The following EED variants were observed in gnomAD, a reference collection of about 807,000 sequenced individuals.
The protein encoded by EED is embryonic ectoderm development.
EED carries 9 observed loss-of-function variants against 61.0 expected under a neutral mutation model. The observed-to-expected ratio is 0.15, with a 90% CI of 0.09 to 0.26. EED has a LOEUF of 0.26. Ranked by LOEUF, EED falls within the 10% of genes least tolerant of loss-of-function variation. EED has a pLI of 1.00. For missense variants in EED, 315 were observed against 542.3 expected (o/e 0.58, Z 4.16); for synonymous variants, 187 against 174.4 (o/e 1.07, Z -0.57).
intron 1 of EED, among the ~76,000 whole-genome samples, chr11:86,248,231 G>T (rs1945439665): frequency 6.6e-6 from 1 of 152,170 alleles, no homozygotes; most frequent in East Asian, 1.9e-4. Flanking sequence ...CTTGATTTTA[G>T]TTTAAAGATA....
At chr11:86,270,068 C>G in intron 9 of EED, 1 of 697,464 alleles carries the variant, frequency 1.4e-6, no homozygotes, top group South Asian at 1.5e-5. Context: ...AAGAAACTGC[C>G]AAACTATTTT....
At chr11:86,286,699 G>T in the EED span, among the ~76,000 whole-genome samples, 1 of 151,982 alleles carries the variant, frequency 6.6e-6, no homozygotes, top group Non-Finnish European at 1.5e-5. Flanking sequence ...CAGGCCAGGT[G>T]CGGTGGCTCA....
At chr11:86,279,547 G>A (rs988431309), downstream of EED, among the ~76,000 whole-genome samples, 1 of 152,202 alleles carries the variant, frequency 6.6e-6, no homozygotes, top group African/African-American at 2.4e-5. Flanking sequence ...TGAAGCAGAG[G>A]AGTGAAGAAA....
chr11:86,272,709 C>CT (rs960455393), intron 9 of EED, among the ~76,000 whole-genome samples: 1 of 152,112 alleles, frequency 6.6e-6, no homozygotes, highest in African/African-American at 2.4e-5. Context: ...GGAATTGTCT[C>CT]TTTTTTCATT....
Position 86,278,573 on chromosome 11 carries a change from A to T in EED, c.*48A>T, listed in dbSNP as rs969450793. The T allele has an allele frequency of 1.9e-6, 3 of 1,597,670 alleles. No homozygotes were observed. Among genetic ancestry groups the T allele is most frequent in the Admixed American group, 3.4e-5 (2 of 59,212 alleles). On this transcript the variant is annotated 3_prime_UTR_variant, in exon 12 of 12. Transcript: ENST00000263360. ...TAGAGTGTGTTTGTTGTCTGTGTAA[A>T]ATAGAATTAATGTATCTTGCTAGTA...
At chr11:86,283,441 C>T (rs1462829203), downstream of EED, among the ~76,000 whole-genome samples, 1 of 152,074 alleles carries the variant, frequency 6.6e-6, no homozygotes, top group African/African-American at 2.4e-5. Context: ...GCGTAATTTG[C>T]TTATTTGGTT....
At chr11:86,252,872 A>G (rs1945570899) in intron 3 of EED, among the ~76,000 whole-genome samples, 1 of 152,000 alleles carries the variant, frequency 6.6e-6, no homozygotes, top group Non-Finnish European at 1.5e-5. Context: ...TGATCCTCCC[A>G]TGTCAGCCTT....
chr11:86,256,547 T>C, intron 5 of EED, 35 bp downstream of exon 5: 1 of 1,525,866 alleles, frequency 6.6e-7, no homozygotes, highest in Non-Finnish European at 8.9e-7. Context: ...GATCTGCTTC[T>C]TTTGAATCCA....
At chr11:86,252,326 G>A (rs1945552503) in intron 3 of EED, 86 bp downstream of exon 3, 1 of 973,598 alleles carries the variant, frequency 1.0e-6, no homozygotes, top group Non-Finnish European at 1.5e-6. Context: ...ATTTCAAAGT[G>A]CATTTTGTGA....
chr11:86,245,118 A>G lies in EED; in HGVS notation c.-112A>G. On this transcript the variant is annotated 5_prime_UTR_variant, in exon 1 of 12. Coordinates refer to ENST00000263360, the MANE Select transcript of EED (RefSeq NM_003797.5). ...TTTGCGACAGTGGGGGGGGCGGTGG[A>G]GGTGGCGGCGGCAGCGGCAACTTTG... 1.3e-5 allele frequency: 9 copies of G among 683,274 alleles called. No individual in the cohort carries two copies. Among genetic ancestry groups the G allele is most frequent in the Non-Finnish European group, 1.4e-5 (6 of 417,146 alleles). The allele number at this position is 683,274 out of a possible 1,614,324, so 42.3% of individuals were successfully genotyped here.
At chr11:86,278,235 A>G (rs1022579470) in intron 11 of EED, 164 bp from the exon 12 acceptor site, 9 of 1,338,906 alleles carry the variant, frequency 6.7e-6, no homozygotes, top group African/African-American at 1.5e-5. Context: ...AAATATATCT[A>G]AATTTTATAA....
At chr11:86,253,863 C>T (rs1312135483) in intron 3 of EED, among the ~76,000 whole-genome samples, 5 of 151,604 alleles carry the variant, frequency 3.3e-5, no homozygotes, top group South Asian at 2.1e-4. Flanking sequence ...GCCTGACCAA[C>T]GTGGTGAAAC....
At chr11:86,276,844 A>G (rs1203784192) in intron 9 of EED, 136 bp from the exon 10 acceptor site, 2 of 595,206 alleles carry the variant, frequency 3.4e-6, no homozygotes, top group East Asian at 3.3e-5. Context: ...ATGAATGTAC[A>G]TCACTGTACT....
chr11:86,280,298 C>T (rs1479050269), downstream of EED, among the ~76,000 whole-genome samples: 1 of 152,060 alleles, frequency 6.6e-6, no homozygotes, highest in African/African-American at 2.4e-5. Flanking sequence ...ATCATGTTGA[C>T]CAGGCTAGAA....
Position 86,245,028 on chromosome 11 carries a change from C to G in EED, c.-202C>G, listed in dbSNP as rs1036445084. 63 of 475,404 alleles carry G rather than the reference C, an allele frequency of 1.3e-4. 2 individuals are homozygous for G. The East Asian group carries it at 1.5e-3, about 12-fold the overall frequency. 29.4% of individuals were successfully genotyped at this position (475,404 alleles called of 1,614,324 possible). Reference sequence around the variant, plus strand: ...AGGAAGCCGCGCGGGAGGGCGCGCGCGCGCGCCCCTTTTTCAGCAGTGTGG... The same window carrying G: ...AGGAAGCCGCGCGGGAGGGCGCGCGGGCGCGCCCCTTTTTCAGCAGTGTGG... On this transcript the variant is annotated 5_prime_UTR_variant, in exon 1 of 12. Transcript: ENST00000263360.
At chr11:86,263,127 A>G (rs954572308) in intron 6 of EED, among the ~76,000 whole-genome samples, 1 of 152,080 alleles carries the variant, frequency 6.6e-6, no homozygotes, top group African/African-American at 2.4e-5. Context: ...CTCTTACTCC[A>G]TTTTCCAATA....
intron 9 of EED, among the ~76,000 whole-genome samples, chr11:86,270,568 T>C (rs761579294): frequency 1.3e-5 from 2 of 152,194 alleles, no homozygotes; most frequent in Admixed American, 6.5e-5. Flanking sequence ...ATTATGCTTT[T>C]GATGTTTTGC....
At chr11:86,256,292 C>T in intron 4 of EED, 95 bp from the exon 5 acceptor site, 1 of 1,253,576 alleles carries the variant, frequency 8.0e-7, no homozygotes. Context: ...ACTTTGGTGT[C>T]AAAAACTTTA....
At chr11:86,249,859 C>T (rs1342442963) in intron 1 of EED, among the ~76,000 whole-genome samples, 1 of 152,192 alleles carries the variant, frequency 6.6e-6, no homozygotes, top group African/African-American at 2.4e-5. Flanking sequence ...CCAGACTGAG[C>T]AGCAGTCAAA....
Sources: gnomAD v4.1 joint callset for allele counts (sites outside exome capture counted in the v4.1 genomes callset) on GRCh38, gnomAD v4.1.1 for gene constraint, MANE v1.5 for transcripts, NCBI Gene and HGNC (gene_info 2026-07-23, HGNC 2026-07-21) for gene names.